Variants in CYP27B1 observed in about 807,000 individuals in gnomAD.
CYP27B1 encodes the protein cytochrome P450 family 27 subfamily B member 1.
In CYP27B1, 46 loss-of-function variants were observed where a neutral mutation model predicts 54.8. The observed-to-expected ratio is 0.84, with a 90% CI of 0.66 to 1.07. The LOEUF (loss-of-function observed/expected upper bound fraction) is 1.07, where lower values mean the gene tolerates loss of function less well. Among genes scored for constraint, CYP27B1 ranks in the 50% least tolerant of loss-of-function variants. The pLI, the probability that CYP27B1 is intolerant of heterozygous loss-of-function variation, is 0.00. For missense variants in CYP27B1, 674 were observed against 692.2 expected (o/e 0.97, Z 0.30); for synonymous variants, 292 against 297.3 (o/e 0.98, Z 0.18).
Position 57,764,875 on chromosome 12 carries a change from C to G in CYP27B1, c.842G>C (p.Gly281Ala), listed in dbSNP as rs750115347. The change falls in exon 5 of 9, where the codon GGA becomes GCA. Residue 281 changes from glycine to alanine, a missense_variant. Coordinates refer to ENST00000228606, the MANE Select transcript of CYP27B1 (RefSeq NM_000785.4). ...REAEAAMRNG[G>A]QPEKDLESGA... ...AGACTCCAGGTCCTTCTCGGGCTGT[C>G]CTCCGTTCCTCATGGCTGCCTCTGC... is the stretch of plus-strand genomic sequence containing the variant. 6.8e-6 allele frequency: 11 copies of G among 1,614,048 alleles called. No homozygotes were observed. The highest frequency in any genetic ancestry group is 9.3e-6 in the Non-Finnish European group (11 of 1,180,042).
chr12:57,764,743 G>C lies in CYP27B1; in HGVS notation c.963+11C>G. 6.2e-7 allele frequency: 1 copy of C among 1,614,078 alleles called. No individual in the cohort carries two copies. Among genetic ancestry groups the C allele is most frequent in the Non-Finnish European group, 8.5e-7 (1 of 1,179,998 alleles). On this transcript the variant is annotated intron_variant, in intron 5 of 8. Transcript: ENST00000228606. The stretch of plus-strand genomic sequence containing the variant: ...CTGGAACCGGCTCACAGCACGGAGG[G>C]AGAACCTCACCGTGTCCACTCCCGC...
At position 57,763,647 on chromosome 12, in the gene CYP27B1, G is replaced by A; in HGVS notation, c.1377C>T (p.Arg459=). 6.2e-7 allele frequency: 1 copy of A among 1,613,976 alleles called. No individual in the cohort carries two copies. The highest frequency in any genetic ancestry group is 8.5e-7 in the Non-Finnish European group (1 of 1,179,984). The change falls in exon 8 of 9, where the codon CGC becomes CGT. Residue 459 remains arginine (R), a synonymous_variant. Transcript: ENST00000228606. ...GFGKRSCMGR[R]LAELELQMAL... ...CCATTTGCAATTCAAGCTCTGCCAGGCGTCTCCCCATACAGCTGCGCTTGC... is the reference window on the plus strand; with the variant it reads ...CCATTTGCAATTCAAGCTCTGCCAGACGTCTCCCCATACAGCTGCGCTTGC...
Position 57,765,672 on chromosome 12 carries a change from A to T in CYP27B1, c.387-173T>A. 2.2e-6 allele frequency: 2 copies of T among 889,572 alleles called. No homozygotes were observed. The highest frequency in any genetic ancestry group is 3.6e-6 in the Non-Finnish European group (2 of 548,302). 55.1% of individuals were successfully genotyped at this position (889,572 alleles called of 1,614,324 possible). On this transcript the variant is annotated intron_variant, in intron 2 of 8. Transcript: ENST00000228606. This position sits in a 1 kb window ranked among gnomAD's most constrained non-coding sequence, Gnocchi z 5.8. ...CTGTCTTCCAGCCCCCTTCCTCTTT[A>T]CTCATTTCCTGCCCTCAGGGGCCGG...
Position 57,765,282 on chromosome 12 carries a change from T to C in CYP27B1, c.589+15A>G. 1 of 1,612,696 alleles carries C rather than the reference T, an allele frequency of 6.2e-7. No individual in the cohort carries two copies. Among genetic ancestry groups the C allele is most frequent in the Non-Finnish European group, 8.5e-7 (1 of 1,179,614 alleles). The stretch of plus-strand genomic sequence containing the variant: ...GGCGCCCCCGACGCCTGCCCAGCTC[T>C]GTCCTGGGACTCACCTTCCAGTCCG... On this transcript the variant is annotated intron_variant, in intron 3 of 8. Transcript: ENST00000228606. This position sits in a 1 kb window ranked among gnomAD's most constrained non-coding sequence, Gnocchi z 5.8.
At position 57,764,479 on chromosome 12, in the gene CYP27B1, T is replaced by C. The variant is rs372527928; in HGVS notation, c.1035A>G (p.Ser345=). ...CAGGGCTCAGGGCAGCTGTGATCTC[T>C]GAGTGGAGTGCTGTCTGGACTTCGG... ...RHPEVQTALH[S]EITAALSPGS... Residue 345 remains serine, a synonymous_variant, in exon 6 of 9, where the codon TCA becomes TCG. Coordinates refer to ENST00000228606, the MANE Select transcript of CYP27B1 (RefSeq NM_000785.4). 19 of 1,614,048 alleles carry C rather than the reference T, an allele frequency of 1.2e-5. No homozygotes were observed. The highest frequency in any genetic ancestry group is 8.0e-5 in the African/African-American group (6 of 74,926).
In CYP27B1 at chr12:57,763,811, G is replaced by C. The variant is rs1441825222; in HGVS notation, c.1216-3C>G. 5 of 1,613,848 alleles carry C rather than the reference G, an allele frequency of 3.1e-6. No individual in the cohort carries two copies. Among genetic ancestry groups the C allele is most frequent in the Admixed American group, 1.7e-5 (1 of 60,004 alleles). ...TAGTGACACAGAGTGACCAGCGTCT[G>C]GTGCAAAGGAAAACAAACTTGTCAG... On this transcript the variant is annotated splice_region_variant and splice_polypyrimidine_tract_variant and intron_variant, in intron 7 of 8. Coordinates refer to ENST00000228606, the MANE Select transcript of CYP27B1 (RefSeq NM_000785.4).
At position 57,765,549 on chromosome 12, in the gene CYP27B1, C is replaced by T; in HGVS notation, c.387-50G>A. 6 of 1,554,188 alleles carry T rather than the reference C, an allele frequency of 3.9e-6. No homozygotes were observed. Among genetic ancestry groups the T allele is most frequent in the South Asian group, 1.2e-5 (1 of 85,504 alleles). ...CATCGGGAAGGTGGGGACGGCTCGA[C>T]GGGACTGGCTGCAGTGAAGGAGCGC... On this transcript the variant is annotated intron_variant, in intron 2 of 8. Coordinates refer to ENST00000228606, the MANE Select transcript of CYP27B1 (RefSeq NM_000785.4). This position sits in a 1 kb window ranked among gnomAD's most constrained non-coding sequence, Gnocchi z 5.8.
At position 57,765,631 on chromosome 12, in the gene CYP27B1, C is replaced by A. The variant is rs368234045; in HGVS notation, c.387-132G>T. The A allele has an allele frequency of 4.4e-5, 44 of 1,002,886 alleles. No individual in the cohort carries two copies. The East Asian group carries it at 1.1e-3, about 25-fold the overall frequency. The allele number at this position is 1,002,886 out of a possible 1,614,324, so 62.1% of individuals were successfully genotyped here. A position where few individuals can be genotyped will look rare whatever the true frequency, so the allele number is the denominator to read the frequency against. ...GTCTGCCCCCTTGGGGTACGGAAAC[C>A]TGCACCGGCCTGCGCCTGTCTTCCA... On this transcript the variant is annotated intron_variant, in intron 2 of 8. Transcript: ENST00000228606. This position sits in a 1 kb window ranked among gnomAD's most constrained non-coding sequence, Gnocchi z 5.8.
chr12:57,766,501 G>A, intron 1 of CYP27B1: 2 of 566,656 alleles, frequency 3.5e-6, no homozygotes, highest in South Asian at 2.3e-5. Context: ...ATCTCAGGAC[G>A]AGTCCTCAGT....
At position 57,764,215 on chromosome 12, in the gene CYP27B1, G is replaced by A. The variant is rs1379845026; in HGVS notation, c.1137-39C>T. The stretch of plus-strand genomic sequence containing the variant: ...CACAAAATGGAGACAACAAGATGAG[G>A]CTAGGGGCTGCAGCCCCCTTCTCAT... On this transcript the variant is annotated intron_variant, in intron 6 of 8. Coordinates refer to ENST00000228606, the MANE Select transcript of CYP27B1 (RefSeq NM_000785.4). The A allele has an allele frequency of 4.4e-6, 7 of 1,576,684 alleles. No homozygotes were observed. The East Asian group carries it at 1.1e-4, about 25-fold the overall frequency.
Position 57,764,736 on chromosome 12 carries a change from A to T in CYP27B1, c.963+18T>A. 6.2e-7 allele frequency: 1 copy of T among 1,614,050 alleles called. No individual in the cohort carries two copies. Among genetic ancestry groups the T allele is most frequent in the South Asian group, 1.1e-5 (1 of 91,066 alleles). ...CTAAGCCCTGGAACCGGCTCACAGCACGGAGGGAGAACCTCACCGTGTCCA... is the reference window on the plus strand; with the variant it reads ...CTAAGCCCTGGAACCGGCTCACAGCTCGGAGGGAGAACCTCACCGTGTCCA... On this transcript the variant is annotated intron_variant, in intron 5 of 8. Coordinates refer to ENST00000228606, the MANE Select transcript of CYP27B1 (RefSeq NM_000785.4).
At position 57,765,551 on chromosome 12, in the gene CYP27B1, G is replaced by C; in HGVS notation, c.387-52C>G. ...TCGGGAAGGTGGGGACGGCTCGACG[G>C]GACTGGCTGCAGTGAAGGAGCGCGT... is the stretch of plus-strand genomic sequence containing the variant. On this transcript the variant is annotated intron_variant, in intron 2 of 8. Transcript: ENST00000228606. This position sits in a 1 kb window ranked among gnomAD's most constrained non-coding sequence, Gnocchi z 5.8. 2 of 1,551,248 alleles carry C rather than the reference G, an allele frequency of 1.3e-6. No individual in the cohort carries two copies. Among genetic ancestry groups the C allele is most frequent in the South Asian group, 1.2e-5 (1 of 85,360 alleles).
Position 57,764,938 on chromosome 12 carries a change from G to A in CYP27B1, c.791-12C>T, listed in dbSNP as rs1955346530. The A allele has an allele frequency of 6.2e-7, 1 of 1,613,990 alleles. No individual in the cohort carries two copies. The highest frequency in any genetic ancestry group is 8.5e-7 in the Non-Finnish European group (1 of 1,180,028). On this transcript the variant is annotated splice_polypyrimidine_tract_variant and intron_variant, in intron 4 of 8. Transcript: ENST00000228606. ...CACGTGCCTCTGAGCTGCGTGGGTAGAAGGCACGTGAATACCTCGCTACCC... is the reference window on the plus strand; with the variant it reads ...CACGTGCCTCTGAGCTGCGTGGGTAAAAGGCACGTGAATACCTCGCTACCC...
chr12:57,765,643 G>T lies in CYP27B1; in HGVS notation c.387-144C>A. The T allele has an allele frequency of 1.0e-6, 1 of 976,988 alleles. No individual in the cohort carries two copies. Among genetic ancestry groups the T allele is most frequent in the Non-Finnish European group, 1.6e-6 (1 of 624,272 alleles). 60.5% of individuals were successfully genotyped at this position (976,988 alleles called of 1,614,324 possible). ...GGGGTACGGAAACCTGCACCGGCCTGCGCCTGTCTTCCAGCCCCCTTCCTC... is the reference window on the plus strand; with the variant it reads ...GGGGTACGGAAACCTGCACCGGCCTTCGCCTGTCTTCCAGCCCCCTTCCTC... On this transcript the variant is annotated intron_variant, in intron 2 of 8. Transcript: ENST00000228606. This position sits in a 1 kb window ranked among gnomAD's most constrained non-coding sequence, Gnocchi z 5.8.
intron 7 of CYP27B1, 137 bp from the exon 8 acceptor site, chr12:57,763,945 T>G: frequency 9.4e-7 from 1 of 1,063,970 alleles, no homozygotes; most frequent in Non-Finnish European, 1.4e-6. Flanking sequence ...TGGAAGGATC[T>G]CCCCACTGTT....
At chr12:57,763,544 G>C in intron 8 of CYP27B1, 67 bp downstream of exon 8, 2 of 1,376,702 alleles carry the variant, frequency 1.5e-6, no homozygotes, top group African/African-American at 1.4e-5. Flanking sequence ...TCAGGGGAAA[G>C]AGCTCACAAC....
Position 57,765,407 on chromosome 12 carries a change from T to A in CYP27B1, c.479A>T (p.Asn160Ile). 1.2e-6 allele frequency: 2 copies of A among 1,613,182 alleles called. No homozygotes were observed. Among genetic ancestry groups the A allele is most frequent in the South Asian group, 1.1e-5 (1 of 90,932 alleles). Residue 160 changes from asparagine to isoleucine, a missense_variant, in exon 3 of 9, where the codon AAC (asparagine) becomes ATC (isoleucine). Transcript: ENST00000228606. This position sits in a 1 kb window ranked among gnomAD's most constrained non-coding sequence, Gnocchi z 5.8. ...AAARYAGTLNNVVCDLVRRLR... is the reference protein window; with the variant it reads ...AAARYAGTLNIVVCDLVRRLR... ...ACGCCGCACAAGGTCGCAGACTACG[T>A]TGTTCAGGGTTCCGGCGTAGCGGGC...
Position 57,765,971 on chromosome 12 carries a change from AG to A in CYP27B1, c.386+35del. ...ACCCGCAGCAGGAGAGGGCCGCTGC[AG>A]GGCGTCTGGGCTTCTGGGGGCAGAG... On this transcript the variant is annotated intron_variant, in intron 2 of 8. Transcript: ENST00000228606. This position sits in a 1 kb window ranked among gnomAD's most constrained non-coding sequence, Gnocchi z 5.8. 6.6e-7 allele frequency: 1 copy of A among 1,515,988 alleles called. No individual in the cohort carries two copies. The allele number at this position is 1,515,988 out of a possible 1,614,324, so 93.9% of individuals were successfully genotyped here.
At position 57,767,071 on chromosome 12, in the gene CYP27B1, G is replaced by T. The variant is rs201190359; in HGVS notation, c.-30C>A. On this transcript the variant is annotated 5_prime_UTR_variant, in exon 1 of 9. Coordinates refer to ENST00000228606, the MANE Select transcript of CYP27B1 (RefSeq NM_000785.4). The stretch of plus-strand genomic sequence containing the variant: ...TGGTTCAGGGTGCTCGCGAAAGAAA[G>T]CGCTTCTCCTGAGCATCATATCTCA... 1 of 1,606,714 alleles carries T rather than the reference G, an allele frequency of 6.2e-7. No individual in the cohort carries two copies. Among genetic ancestry groups the T allele is most frequent in the African/African-American group, 1.3e-5 (1 of 74,848 alleles).
Sources: gnomAD v4.1 joint callset for allele counts on GRCh38, gnomAD v4.1.1 for gene constraint, Gnocchi (gnomAD v3.1) non-coding constraint, MANE v1.5 for transcripts, NCBI Gene and HGNC (gene_info 2026-07-23, HGNC 2026-07-21) for gene names.